The following CDH10 variants were observed in gnomAD, a reference collection of about 807,000 sequenced individuals.
The protein encoded by CDH10 is cadherin-10.
CDH10 carries 30 observed loss-of-function variants against 73.1 expected under a neutral mutation model. The ratio of observed to expected loss-of-function variants is 0.41; its 90% CI spans 0.31 to 0.56. CDH10 has a LOEUF of 0.56. Among genes scored for constraint, CDH10 ranks in the 20% least tolerant of loss-of-function variants. The pLI, the probability that CDH10 is intolerant of heterozygous loss-of-function variation, is 0.27. For missense variants in CDH10, 815 were observed against 973.7 expected (o/e 0.84, Z 2.17); for synonymous variants, 345 against 348.2 (o/e 0.99, Z 0.10).
At chr5:24,536,182 T>C (rs189027154) in intron 3 of CDH10, among the ~76,000 whole-genome samples, 21 of 152,188 alleles carry the variant, frequency 1.4e-4, no homozygotes, top group African/African-American at 4.1e-4. Context: ...GGAGTAAGTA[T>C]GTTCTTCTTC....
Position 24,532,006 on chromosome 5 carries a change from G to A in CDH10, c.814+3106C>T, listed in dbSNP as rs1406095942. On this transcript the variant is annotated intron_variant, in intron 5 of 11. Transcript: ENST00000264463. ...CTTGGCAGTTGACATAATCAAAAAC[G>A]TCTTGGGACATTGCCAAATGTCCAG... 5.9e-5 allele frequency among the ~76,000 whole-genome samples: 9 copies of A among 152,128 alleles called. No homozygotes were observed. In the South Asian group the frequency reaches 1.2e-3, roughly 21 times the overall value.
chr5:24,489,617 A>T (rs941407883), intron 11 of CDH10, among the ~76,000 whole-genome samples: 3 of 152,134 alleles, frequency 2.0e-5, no homozygotes, highest in Non-Finnish European at 4.4e-5. Context: ...TCCAAGTCCA[A>T]GTTCATTTCC....
At chr5:24,543,343 T>C (rs1200782132) in intron 2 of CDH10, among the ~76,000 whole-genome samples, 6 of 152,206 alleles carry the variant, frequency 3.9e-5, no homozygotes, top group African/African-American at 1.4e-4. Context: ...ATTAGAATTA[T>C]GTTTGTAATA....
rs780057560 is a variant in CDH10, at chr5:24,498,401, C to A, written c.1512G>T (p.Gly504=). 4.4e-6 allele frequency: 7 copies of A among 1,604,054 alleles called. No homozygotes were observed. Among genetic ancestry groups the A allele is most frequent in the Non-Finnish European group, 6.0e-6 (7 of 1,171,658 alleles). ...TTTTAATCCTGTAGGGGCTTACCTGCCCTGGTCTGGCATTTTCACATACAA... is the reference window on the plus strand; with the variant it reads ...TTTTAATCCTGTAGGGGCTTACCTGACCTGGTCTGGCATTTTCACATACAA... The part of the protein sequence containing the change: ...DTFVCENARP[G]QLIQTISAVD... The change falls in exon 9 of 12, where the codon GGG becomes GGT. Residue 504 remains glycine (G), a synonymous_variant. Transcript: ENST00000264463.
At chr5:24,552,645 C>T (rs1424575085) in intron 2 of CDH10, among the ~76,000 whole-genome samples, 1 of 152,010 alleles carries the variant, frequency 6.6e-6, no homozygotes, top group Non-Finnish European at 1.5e-5. Context: ...ATACATAGAA[C>T]TGATATTAGT....
chr5:24,584,059 T>C (rs1579842319), intron 2 of CDH10, among the ~76,000 whole-genome samples: 2 of 152,170 alleles, frequency 1.3e-5, no homozygotes, highest in East Asian at 3.9e-4. Context: ...CTAGAAAACT[T>C]AGACAATGAA....
intron 1 of CDH10, among the ~76,000 whole-genome samples, chr5:24,628,498 T>C (rs1227234476): frequency 6.6e-6 from 1 of 152,124 alleles, no homozygotes; most frequent in African/African-American, 2.4e-5. Context: ...GGTCGGCTTA[T>C]CTGAAAGAAA....
intron 11 of CDH10, among the ~76,000 whole-genome samples, chr5:24,490,310 T>A (rs1338577777): frequency 6.6e-6 from 1 of 152,120 alleles, no homozygotes; most frequent in African/African-American, 2.4e-5. Context: ...TAATGGTAAG[T>A]CAAATTATAA....
chr5:24,492,720 C>G, intron 10 of CDH10, 97 bp downstream of exon 10: 1 of 628,184 alleles, frequency 1.6e-6, no homozygotes, highest in Non-Finnish European at 2.9e-6. Context: ...TAACTCAGAT[C>G]AATAAATTGA....
intron 5 of CDH10, among the ~76,000 whole-genome samples, chr5:24,533,087 A>C (rs1307441192): frequency 6.6e-6 from 1 of 152,082 alleles, no homozygotes; most frequent in Non-Finnish European, 1.5e-5. Context: ...TCCATAAATT[A>C]TGTTTCCATC....
At chr5:24,592,273 T>C (rs1426755287) in intron 2 of CDH10, among the ~76,000 whole-genome samples, 1 of 151,850 alleles carries the variant, frequency 6.6e-6, no homozygotes, top group Non-Finnish European at 1.5e-5. Flanking sequence ...ATTTTAATTA[T>C]TTGAATGAAG....
chr5:24,517,311 C>T (rs1397449883), intron 5 of CDH10, among the ~76,000 whole-genome samples: 2 of 152,096 alleles, frequency 1.3e-5, no homozygotes, highest in Non-Finnish European at 2.9e-5. Flanking sequence ...AATTCTAACG[C>T]CCAAACACTG....
At chr5:24,525,670 G>A (rs1321285392) in intron 5 of CDH10, among the ~76,000 whole-genome samples, 1 of 152,028 alleles carries the variant, frequency 6.6e-6, no homozygotes, top group Non-Finnish European at 1.5e-5. Context: ...AAACTACTGA[G>A]GCTTTCGAAT....
rs781424714 is a variant in CDH10 at position 24,487,771 on chromosome 5, T to A, written c.2259A>T (p.Ser753=). ...AGTTTTGGTCTCCTTCAGTAGTACC[T>A]GATTCTAATGAACTCAGAGATTCAG... ...SIAESLSSLE[S]GTTEGDQNYD... is the part of the protein sequence containing the mutation. The change falls in exon 12 of 12, where the codon TCA becomes TCT. Residue 753 remains serine, a synonymous_variant. Coordinates refer to ENST00000264463, the MANE Select transcript of CDH10 (RefSeq NM_006727.5). The A allele has an allele frequency of 6.2e-7, 1 of 1,613,924 alleles. No individual in the cohort carries two copies. Among genetic ancestry groups the A allele is most frequent in the Admixed American group, 1.7e-5 (1 of 59,982 alleles).
In CDH10 at chr5:24,492,845, A is replaced by G; in HGVS notation, c.1596T>C (p.Asn532=). Residue 532 remains asparagine (N), a synonymous_variant, in exon 10 of 12, where the codon AAT becomes AAC. Transcript: ENST00000264463. The stretch of plus-strand genomic sequence containing the variant: ...CATTATCCTGTACTGTGAAGTTTGG[A>G]TTGACAGCAGCTAAACTGAAAAAAA... ...QKFFFSLAAV[N]PNFTVQDNED... The G allele has an allele frequency of 6.5e-7, 1 of 1,542,366 alleles. No homozygotes were observed. The highest frequency in any genetic ancestry group is 9.0e-7 in the Non-Finnish European group (1 of 1,114,894).
intron 5 of CDH10, among the ~76,000 whole-genome samples, chr5:24,522,087 T>C (rs1743354427): frequency 6.6e-6 from 1 of 152,086 alleles, no homozygotes; most frequent in South Asian, 2.1e-4. Flanking sequence ...TGAGCCGCAA[T>C]TGTGCCACTG....
chr5:24,497,860 A>G (rs1579719348), intron 9 of CDH10, among the ~76,000 whole-genome samples: 1 of 152,324 alleles, frequency 6.6e-6, no homozygotes, highest in East Asian at 1.9e-4. Flanking sequence ...AATGTTTTAA[A>G]GTACTAAAAC....
intron 8 of CDH10, among the ~76,000 whole-genome samples, chr5:24,503,154 G>A (rs1475673760): frequency 6.6e-6 from 1 of 152,168 alleles, no homozygotes; most frequent in Non-Finnish European, 1.5e-5. Context: ...GACACTTGGT[G>A]ATTCGGCCCC....
intron 9 of CDH10, among the ~76,000 whole-genome samples, chr5:24,494,298 A>T (rs1236980276): frequency 6.6e-6 from 1 of 151,960 alleles, no homozygotes; most frequent in African/African-American, 2.4e-5. Context: ...ACTACTTAAG[A>T]TGTGTCAATT....
Sources: gnomAD v4.1 joint callset for allele counts (sites outside exome capture counted in the v4.1 genomes callset) on GRCh38, gnomAD v4.1.1 for gene constraint, MANE v1.5 for transcripts, NCBI Gene and HGNC (gene_info 2026-07-23, HGNC 2026-07-21) for gene names.